Variants in FOXP4 observed in about 807,000 individuals in gnomAD.
The protein encoded by FOXP4 is forkhead box protein P4.
Under a neutral mutation model 82.6 loss-of-function variants are expected in FOXP4, and 25 were observed. That is an observed-to-expected ratio of 0.30 (90% confidence interval 0.22 to 0.42). The LOEUF is 0.42. FOXP4 is among the 10% of genes least tolerant of loss of function. The pLI is 1.00. For missense variants in FOXP4, 785 were observed against 900.9 expected, an observed-to-expected ratio of 0.87 and a Z score of 1.65; for synonymous variants, 415 against 388.2, an observed-to-expected ratio of 1.07 and a Z score of -0.81.
rs915876383 is a variant in FOXP4 at position 41,584,762 on chromosome 6, C to G, written c.301-7C>G. ...AGGGGACAGGGCTAACGGGCCGAAT[C>G]CTGCAGGTGCCTGTGTCGGTGGCCA... On this transcript the variant is annotated splice_polypyrimidine_tract_variant and splice_region_variant and intron_variant, in intron 3 of 16. Transcript: ENST00000307972. 6.3e-7 allele frequency: 1 copy of G among 1,581,792 alleles called. No individual in the cohort carries two copies. The highest frequency in any genetic ancestry group is 8.6e-7 in the Non-Finnish European group (1 of 1,163,806).
chr6:41,589,838 A>G lies in FOXP4; in HGVS notation c.1133A>G (p.Lys378Arg). The G allele has an allele frequency of 1.2e-6, 2 of 1,610,774 alleles. No homozygotes were observed. Among genetic ancestry groups the G allele is most frequent in the Non-Finnish European group, 1.7e-6 (2 of 1,179,896 alleles). ...AHLHMRPSEP[K>R]PFSQPLNPVP... is the part of the protein sequence containing the mutation. Reference sequence around the variant, plus strand: ...CTGCACATGCGGCCCTCGGAGCCCAAGCCCTTCAGCCAGCCAGTGAGTGCT... The same window carrying G: ...CTGCACATGCGGCCCTCGGAGCCCAGGCCCTTCAGCCAGCCAGTGAGTGCT... Residue 378 changes from lysine to arginine, a missense_variant, in exon 10 of 17, where the codon AAG (lysine) becomes AGG (arginine). By Grantham distance (26) the Lys-to-Arg change is conservative (BLOSUM62 2). Coordinates refer to ENST00000307972, the MANE Select transcript of FOXP4 (RefSeq NM_001012426.2).
chr6:41,576,272 G>A (rs778012823), intron 2 of FOXP4, among the ~76,000 whole-genome samples: 19 of 152,126 alleles, frequency 1.2e-4, no homozygotes, highest in Non-Finnish European at 5.9e-5. Flanking sequence ...ACACCTTCCC[G>A]TCAATAGGCC....
At chr6:41,562,413 A>C (rs1764635497) in intron 1 of FOXP4, among the ~76,000 whole-genome samples, 1 of 152,166 alleles carries the variant, frequency 6.6e-6, no homozygotes, top group Non-Finnish European at 1.5e-5. Flanking sequence ...TTTAATATGA[A>C]TGATCGGCCC....
chr6:41,587,874 T>C lies in FOXP4; in HGVS notation c.954T>C (p.Cys318=). 6.4e-7 allele frequency: 1 copy of C among 1,562,420 alleles called. No homozygotes were observed. The highest frequency in any genetic ancestry group is 1.2e-5 in the South Asian group (1 of 84,980). Residue 318 remains cysteine, a synonymous_variant, in exon 8 of 17, where the codon TGT becomes TGC. Coordinates refer to ENST00000307972, the MANE Select transcript of FOXP4 (RefSeq NM_001012426.2). ...AGTGGCCAGGCTGTGAGACCCTGTG[T>C]GAAGACCTGGGCCAGTTTATCAAGT... ...ECKWPGCETL[C]EDLGQFIKHL...
In FOXP4 at chr6:41,594,899, C is replaced by T. The variant is rs1308063358; in HGVS notation, c.1566C>T (p.His522=). The stretch of plus-strand genomic sequence containing the variant: ...CCGTGCGCCACAACCTCAGCCTGCA[C>T]AAGTGCTTCGTCCGCGTGGAGAACG... ...KNAVRHNLSL[H]KCFVRVENVK... Residue 522 remains histidine, a synonymous_variant, in exon 14 of 17, where the codon CAC becomes CAT. Transcript: ENST00000307972. 6.2e-7 allele frequency: 1 copy of T among 1,614,050 alleles called. No homozygotes were observed. The highest frequency in any genetic ancestry group is 2.2e-5 in the East Asian group (1 of 44,892).
At chr6:41,566,137 C>A (rs776322503) in intron 2 of FOXP4, among the ~76,000 whole-genome samples, 173 bp downstream of exon 2, 3 of 152,190 alleles carry the variant, frequency 2.0e-5, no homozygotes, top group Non-Finnish European at 4.4e-5. Context: ...CTGGTGGCCA[C>A]CTTGAGCCTA....
chr6:41,575,528 AAGGGGTTGTGGGT>A, intron 2 of FOXP4, among the ~76,000 whole-genome samples: 1 of 151,682 alleles, frequency 6.6e-6, no homozygotes, highest in Non-Finnish European at 1.5e-5. Flanking sequence ...GGAAGAAGGA[AAGGGGTTGTGGGT>A]AGGGGGTGTA....
intron 9 of FOXP4, among the ~76,000 whole-genome samples, chr6:41,589,327 T>C (rs149638573): frequency 6.6e-6 from 1 of 152,370 alleles, no homozygotes; most frequent in East Asian, 1.9e-4. Context: ...TGTGAGAGGG[T>C]GGTCATGAGA....
At chr6:41,555,844 T>C (rs1764246437) in intron 1 of FOXP4, among the ~76,000 whole-genome samples, 1 of 152,234 alleles carries the variant, frequency 6.6e-6, no homozygotes, top group Non-Finnish European at 1.5e-5. Flanking sequence ...TTTGCATTAG[T>C]AACAAGCAGG....
At chr6:41,553,648 G>T (rs1448490014) in intron 1 of FOXP4, among the ~76,000 whole-genome samples, 2 of 152,208 alleles carry the variant, frequency 1.3e-5, no homozygotes, top group Non-Finnish European at 2.9e-5. Context: ...CCGTGATCCT[G>T]TGTGCTCCAG....
rs1329810090 is a variant in FOXP4 at position 41,600,936 on chromosome 6, T to C, written c.*2000T>C. The C allele has an allele frequency of 2.0e-5, 3 of 152,244 alleles. No individual in the cohort carries two copies. The highest frequency in any genetic ancestry group is 7.2e-5 in the African/African-American group (3 of 41,458). 9.4% of individuals were successfully genotyped at this position (152,244 alleles called of 1,614,324 possible). On this transcript the variant is annotated 3_prime_UTR_variant, in exon 17 of 17. Transcript: ENST00000307972. ...TTCTTTCACTAGTTTGAAATCCAAG[T>C]TCTTGCCAGAGTGTTGGAGCAAGGC...
intron 14 of FOXP4, among the ~76,000 whole-genome samples, chr6:41,596,872 G>A (rs1766869030): frequency 6.6e-6 from 1 of 152,040 alleles, no homozygotes; most frequent in African/African-American, 2.4e-5. Flanking sequence ...GCAGCATGCT[G>A]TGAAGGCAGA....
chr6:41,548,840 T>C (rs1182748860), intron 1 of FOXP4, among the ~76,000 whole-genome samples: 115 of 149,644 alleles, frequency 7.7e-4, no homozygotes, highest in Non-Finnish European at 1.6e-3. Flanking sequence ...TTTTTTTTTT[T>C]TTTTTCAACT....
intron 2 of FOXP4, among the ~76,000 whole-genome samples, chr6:41,575,190 G>C (rs1008442470): frequency 1.3e-5 from 2 of 152,150 alleles, no homozygotes; most frequent in African/African-American, 4.8e-5. Context: ...GGATTGTCTT[G>C]ATCTCCTGAC....
intron 2 of FOXP4, chr6:41,570,186 C>G: frequency 2.5e-6 from 1 of 405,278 alleles, no homozygotes. Flanking sequence ...GGCTGTGTGC[C>G]CCAGATTCTA....
intron 3 of FOXP4, 126 bp downstream of exon 3, chr6:41,578,207 C>A: frequency 1.3e-6 from 1 of 742,536 alleles, no homozygotes; most frequent in Non-Finnish European, 2.2e-6. Flanking sequence ...GGCAACTTTT[C>A]AAAGGAAATA....
intron 1 of FOXP4, chr6:41,547,547 C>T (rs1435827860): frequency 6.6e-6 from 1 of 152,326 alleles, no homozygotes; most frequent in Non-Finnish European, 1.5e-5. Context: ...CCTTTTCCAT[C>T]GCTCGGTCAG....
rs952271739 is a variant in FOXP4 at position 41,567,604 on chromosome 6, A to C, written c.204+1640A>C. On this transcript the variant is annotated intron_variant, in intron 2 of 16. Coordinates refer to ENST00000307972, the MANE Select transcript of FOXP4 (RefSeq NM_001012426.2). ...TGACTGTGCAGACAGAGTTATGAAG[A>C]ATTTTAAATGTAGGGGTTGGGGAGT... is the stretch of plus-strand genomic sequence containing the variant. Among the ~76,000 whole-genome samples, 6 of 152,226 alleles carry C rather than the reference A, an allele frequency of 3.9e-5. No homozygotes were observed. In the East Asian group the frequency reaches 1.2e-3, roughly 29 times the overall value.
intron 1 of FOXP4, among the ~76,000 whole-genome samples, chr6:41,551,410 C>T (rs1763992258): frequency 1.3e-5 from 2 of 152,198 alleles, no homozygotes; most frequent in South Asian, 4.1e-4. Context: ...CAGCCCTGCA[C>T]CTTCCTTCTC....
Sources: gnomAD v4.1 joint callset for allele counts (sites outside exome capture counted in the v4.1 genomes callset) on GRCh38, gnomAD v4.1.1 for gene constraint, MANE v1.5 for transcripts, NCBI Gene and HGNC (gene_info 2026-07-23, HGNC 2026-07-21) for gene names.